The following UTRN variants were observed in gnomAD, a reference collection of about 807,000 sequenced individuals.
UTRN encodes the protein dystrophin-related protein 1.
A neutral mutation model predicts 463.9 loss-of-function variants in UTRN; 283 were observed. The ratio of observed to expected loss-of-function variants is 0.61; its 90% CI spans 0.55 to 0.67. The LOEUF is 0.67. Among genes scored for constraint, UTRN ranks in the 30% least tolerant of loss-of-function variants. UTRN has a pLI of 0.00. For synonymous variants in UTRN, 1,442 were observed against 1,431.5 expected, an observed-to-expected ratio of 1.01 and a Z score of -0.17; for missense variants, 3,922 against 4,084.3, an observed-to-expected ratio of 0.96 and a Z score of 1.08.
chr6:144,611,664 T>C (rs1225821146), intron 51 of UTRN, among the ~76,000 whole-genome samples: 1 of 152,158 alleles, frequency 6.6e-6, no homozygotes, highest in Non-Finnish European at 1.5e-5. Context: ...TAAATGACTG[T>C]GTACTGACAA....
intron 54 of UTRN, 49 bp downstream of exon 54, chr6:144,730,535 A>C (rs1788410222): frequency 6.8e-7 from 1 of 1,477,386 alleles, no homozygotes; most frequent in Admixed American, 2.4e-5. Context: ...CTAGGAGAAC[A>C]AAAAACCCAA....
intron 53 of UTRN, among the ~76,000 whole-genome samples, chr6:144,720,052 A>G (rs1281038806): frequency 6.6e-6 from 1 of 152,192 alleles, no homozygotes; most frequent in African/African-American, 2.4e-5. Flanking sequence ...AGTTTAGGAG[A>G]GAAGGGTTTA....
chr6:144,469,703 C>CTTTTTTTTTTTTT (rs545551155), intron 23 of UTRN, among the ~76,000 whole-genome samples: 3,039 of 134,316 alleles, frequency 0.023, 54 homozygotes, highest in Admixed American at 0.041. Flanking sequence ...TGTTTCTTTC[C>CTTTTTTTTTTTTT]TTTTTTTTTT....
intron 41 of UTRN, among the ~76,000 whole-genome samples, chr6:144,528,045 T>C (rs1796716214): frequency 7.2e-6 from 1 of 139,504 alleles, no homozygotes; most frequent in Non-Finnish European, 1.5e-5. Flanking sequence ...TTTTTTTTTT[T>C]TTTTTTTTGA....
chr6:144,490,344 A>G (rs1792938312), intron 31 of UTRN, 145 bp downstream of exon 31: 4 of 1,170,492 alleles, frequency 3.4e-6, no homozygotes, highest in East Asian at 2.7e-5. Context: ...TGAAGGTTGC[A>G]TCCTAGGGCA....
chr6:144,576,183 G>A (rs1224480256), intron 50 of UTRN, among the ~76,000 whole-genome samples: 1 of 152,064 alleles, frequency 6.6e-6, no homozygotes, highest in East Asian at 1.9e-4. Context: ...GATTCTACTA[G>A]TTGGCCATTA....
chr6:144,791,751 T>G (rs1246521429), intron 62 of UTRN, among the ~76,000 whole-genome samples: 1 of 152,188 alleles, frequency 6.6e-6, no homozygotes, highest in East Asian at 1.9e-4. Flanking sequence ...TTGTAGGAAC[T>G]TTTATAAGGA....
chr6:144,344,288 T>G, intron 2 of UTRN: 1 of 1,304,166 alleles, frequency 7.7e-7, no homozygotes, highest in East Asian at 5.5e-5. Context: ...CTCTCCAGGC[T>G]TGCAAGCGAT....
chr6:144,724,492 G>A (rs1265143748), intron 53 of UTRN, among the ~76,000 whole-genome samples: 1 of 152,070 alleles, frequency 6.6e-6, no homozygotes, highest in African/African-American at 2.4e-5. Context: ...CTCCCAAAGT[G>A]CTGGGATTAC....
chr6:144,701,788 C>G (rs1784614966), intron 53 of UTRN, among the ~76,000 whole-genome samples: 1 of 152,000 alleles, frequency 6.6e-6, no homozygotes, highest in South Asian at 2.1e-4. Context: ...TGATAAGACC[C>G]TGAAATTTAT....
chr6:144,341,286 T>G (rs1174484357), intron 2 of UTRN, among the ~76,000 whole-genome samples: 1 of 152,240 alleles, frequency 6.6e-6, no homozygotes, highest in African/African-American at 2.4e-5. Context: ...GTTTTTATTT[T>G]TTAAAGTTAA....
Position 144,516,391 on chromosome 6 carries a change from G to C in UTRN, c.5403+4G>C, listed in dbSNP as rs374456403. 3.7e-5 allele frequency: 60 copies of C among 1,604,818 alleles called. No individual in the cohort carries two copies. The highest frequency in any genetic ancestry group is 3.5e-4 in the Middle Eastern group (2 of 5,634). On this transcript the variant is annotated splice_donor_region_variant and intron_variant, in intron 38 of 74. Transcript: ENST00000367545. Reference sequence around the variant, plus strand: ...ATCCAGTGATGAAGATGAAAAGGTTGGTTCAAGGAGATTTCAAAACCATGG... The same window carrying C: ...ATCCAGTGATGAAGATGAAAAGGTTCGTTCAAGGAGATTTCAAAACCATGG...
chr6:144,844,099 T>C (rs1328356426), intron 73 of UTRN, among the ~76,000 whole-genome samples: 1 of 152,208 alleles, frequency 6.6e-6, no homozygotes, highest in Non-Finnish European at 1.5e-5. Context: ...TGGTATTATA[T>C]ACAAGACAGG....
chr6:144,423,661 T>G (rs1785049191), intron 5 of UTRN, 35 bp downstream of exon 5: 1 of 1,606,754 alleles, frequency 6.2e-7, no homozygotes, highest in Non-Finnish European at 8.5e-7. Context: ...GGGTCTGTGC[T>G]GCCATCAGCA....
chr6:144,733,914 T>C (rs186519128), intron 54 of UTRN, among the ~76,000 whole-genome samples: 7 of 152,322 alleles, frequency 4.6e-5, no homozygotes, highest in Admixed American at 1.3e-4. Context: ...TTGCCCTAAG[T>C]TGAGGAATCC....
At chr6:144,480,055 C>G in intron 26 of UTRN, 73 bp downstream of exon 26, 2 of 1,515,516 alleles carry the variant, frequency 1.3e-6, no homozygotes, top group South Asian at 1.3e-5. Flanking sequence ...CATCAATCAT[C>G]TGTCTATCTG....
chr6:144,717,224 T>C (rs1786559242), intron 53 of UTRN, among the ~76,000 whole-genome samples: 1 of 152,192 alleles, frequency 6.6e-6, no homozygotes, highest in Non-Finnish European at 1.5e-5. Context: ...CATAGATGTA[T>C]AGAAATTTAG....
chr6:144,795,525 C>T (rs1268885841), intron 63 of UTRN, among the ~76,000 whole-genome samples: 1 of 152,214 alleles, frequency 6.6e-6, no homozygotes, highest in Non-Finnish European at 1.5e-5. Flanking sequence ...ACATCCTCTC[C>T]AGCATCTGGT....
chr6:144,644,110 A>G (rs1310625968), intron 51 of UTRN, among the ~76,000 whole-genome samples: 2 of 152,220 alleles, frequency 1.3e-5, no homozygotes, highest in East Asian at 1.9e-4. Flanking sequence ...AAGCAAATCA[A>G]TACATGTGAA....
Sources: allele counts gnomAD v4.1 joint callset (sites outside exome capture counted in the v4.1 genomes callset), GRCh38; gene constraint gnomAD v4.1.1; transcripts MANE v1.5; gene names NCBI Gene and HGNC (gene_info 2026-07-23, HGNC 2026-07-21).